The following MGAT4C variants were observed in gnomAD, a reference collection of about 807,000 sequenced individuals.
MGAT4C encodes the protein MGAT4 family member C, also known as alpha-1,3-mannosyl-glycoprotein 4-beta-N-acetylglucosaminyltransferase C.
A neutral mutation model predicts 40.1 loss-of-function variants in MGAT4C; 19 were observed. That is an observed-to-expected ratio of 0.47 (90% confidence interval 0.33 to 0.70). The LOEUF is 0.70. MGAT4C is among the 30% of genes least tolerant of loss of function. MGAT4C has a pLI of 0.02. For synonymous variants in MGAT4C, 181 were observed against 187.1 expected (o/e 0.97, Z 0.27); for missense variants, 491 against 563.2 (o/e 0.87, Z 1.30).
At chr12:86,531,715 T>C (rs1958988354) in intron 2 of MGAT4C, among the ~76,000 whole-genome samples, 1 of 152,020 alleles carries the variant, frequency 6.6e-6, no homozygotes, top group African/African-American at 2.4e-5. Flanking sequence ...ATTTCATGTT[T>C]GCAGATTTTT....
At chr12:86,347,199 T>C (rs1265055484) in intron 3 of MGAT4C, among the ~76,000 whole-genome samples, 1 of 152,216 alleles carries the variant, frequency 6.6e-6, no homozygotes. Context: ...TATACATATA[T>C]GCTATTAGTT....
intron 1 of MGAT4C, among the ~76,000 whole-genome samples, chr12:86,222,735 T>C (rs970789582): frequency 9.8e-5 from 15 of 152,334 alleles, no homozygotes; most frequent in African/African-American, 3.6e-4. Flanking sequence ...AATCTATACA[T>C]ATCACAGAGA....
At chr12:86,585,879 C>T (rs1030573665) in intron 2 of MGAT4C, among the ~76,000 whole-genome samples, 15 of 150,994 alleles carry the variant, frequency 9.9e-5, no homozygotes, top group Non-Finnish European at 2.1e-4. Flanking sequence ...CTTTTTAAGC[C>T]CTTTCATGCA....
intron 3 of MGAT4C, among the ~76,000 whole-genome samples, chr12:86,416,670 T>C (rs982959976): frequency 6.6e-6 from 1 of 152,036 alleles, no homozygotes; most frequent in Non-Finnish European, 1.5e-5. Context: ...TCTCATGGGT[T>C]TTGGATGAGC....
At chr12:86,052,256 A>T (rs959081754) in intron 1 of MGAT4C, among the ~76,000 whole-genome samples, 1 of 151,668 alleles carries the variant, frequency 6.6e-6, no homozygotes, top group African/African-American at 2.4e-5. Context: ...GAGGGCCCCA[A>T]ATTTTTTCAT....
chr12:86,233,566 C>T (rs188826729), intron 1 of MGAT4C, among the ~76,000 whole-genome samples: 1 of 152,096 alleles, frequency 6.6e-6, no homozygotes, highest in Non-Finnish European at 1.5e-5. Context: ...AATTCCAGGA[C>T]AATTTCTTTC....
At chr12:86,493,368 T>C (rs1958175519) in intron 2 of MGAT4C, among the ~76,000 whole-genome samples, 1 of 152,016 alleles carries the variant, frequency 6.6e-6, no homozygotes, top group African/African-American at 2.4e-5. Flanking sequence ...TGCGGCACTA[T>C]TCACAATAGC....
At chr12:86,723,087 C>T (rs1950762393) in intron 2 of MGAT4C, among the ~76,000 whole-genome samples, 1 of 152,172 alleles carries the variant, frequency 6.6e-6, no homozygotes, top group Non-Finnish European at 1.5e-5. Context: ...CATCACACAA[C>T]ATTTATTCAG....
intron 2 of MGAT4C, among the ~76,000 whole-genome samples, chr12:86,524,228 GTTCT>G (rs1232155156): frequency 2.0e-5 from 3 of 152,282 alleles, no homozygotes; most frequent in South Asian, 2.1e-4. Context: ...GGCTGATAAT[GTTCT>G]TTCTTTCTCA....
chr12:86,151,413 C>A (rs577034011), intron 1 of MGAT4C, among the ~76,000 whole-genome samples: 1 of 152,196 alleles, frequency 6.6e-6, no homozygotes, highest in South Asian at 2.1e-4. Context: ...GAGATCAAGA[C>A]CATCCTGGCT....
chr12:86,142,751 G>A (rs1331452256), intron 1 of MGAT4C, among the ~76,000 whole-genome samples: 7 of 150,646 alleles, frequency 4.6e-5, no homozygotes, highest in Non-Finnish European at 1.0e-4. Flanking sequence ...GGGGGTTGTC[G>A]AGGCTTCAGT....
At chr12:86,769,843 C>A (rs1565978177) in intron 1 of MGAT4C, among the ~76,000 whole-genome samples, 1 of 152,016 alleles carries the variant, frequency 6.6e-6, no homozygotes, top group East Asian at 1.9e-4. Flanking sequence ...GGAAGGGGAA[C>A]ATCACACTCT....
At chr12:86,432,779 C>T (rs1565758886) in intron 3 of MGAT4C, among the ~76,000 whole-genome samples, 1 of 151,994 alleles carries the variant, frequency 6.6e-6, no homozygotes, top group Non-Finnish European at 1.5e-5. Flanking sequence ...GCAGTTTCCT[C>T]AAAATATGTC....
At chr12:86,641,234 T>C (rs1482757655) in intron 2 of MGAT4C, among the ~76,000 whole-genome samples, 3 of 151,654 alleles carry the variant, frequency 2.0e-5, no homozygotes, top group Admixed American at 6.6e-5. Context: ...ATGGATGAAA[T>C]TGGAAATAAT....
At chr12:86,713,635 A>G (rs1950596823) in intron 2 of MGAT4C, among the ~76,000 whole-genome samples, 1 of 152,166 alleles carries the variant, frequency 6.6e-6, no homozygotes, top group South Asian at 2.1e-4. Context: ...AACATTAGCT[A>G]AACTATTTTC....
chr12:86,163,424 T>G (rs2135806616), intron 1 of MGAT4C, among the ~76,000 whole-genome samples: 1 of 152,222 alleles, frequency 6.6e-6, no homozygotes, highest in South Asian at 2.1e-4. Context: ...ACGACTGTCC[T>G]GAAGCAATGT....
At chr12:85,988,255 T>G (rs543658774) in intron 3 of MGAT4C, among the ~76,000 whole-genome samples, 11 of 152,244 alleles carry the variant, frequency 7.2e-5, no homozygotes, top group African/African-American at 2.6e-4. Flanking sequence ...AATCTAGGAT[T>G]CTGGTACAAT....
intron 1 of MGAT4C, among the ~76,000 whole-genome samples, chr12:86,071,205 G>T (rs1868392843): frequency 6.6e-6 from 1 of 151,930 alleles, no homozygotes; most frequent in Non-Finnish European, 1.5e-5. Flanking sequence ...AAGTACCAAG[G>T]TATCATGGGA....
At chr12:86,324,653 G>A (rs1954480474) in intron 4 of MGAT4C, among the ~76,000 whole-genome samples, 1 of 151,612 alleles carries the variant, frequency 6.6e-6, no homozygotes, top group African/African-American at 2.4e-5. Flanking sequence ...GTAAAGCAAT[G>A]AGAATATATA....
Sources: allele counts gnomAD v4.1 joint callset (sites outside exome capture counted in the v4.1 genomes callset), GRCh38; gene constraint gnomAD v4.1.1; transcripts MANE v1.5; gene names NCBI Gene and HGNC (gene_info 2026-07-23, HGNC 2026-07-21).